PRKCB: variants seen among roughly 807,000 people sequenced by gnomAD.
PRKCB encodes protein kinase C beta type.
In PRKCB, 13 loss-of-function variants were observed where a neutral mutation model predicts 81.5. That is an observed-to-expected ratio of 0.16 (90% CI 0.10 to 0.25). The LOEUF (loss-of-function observed/expected upper bound fraction) is 0.25. Among genes scored for constraint, PRKCB ranks in the 10% least tolerant of loss-of-function variants. The pLI is 1.00. For missense variants in PRKCB, 509 were observed against 875.7 expected (o/e 0.58, Z 5.29); for synonymous variants, 335 against 321.4 (o/e 1.04, Z -0.45).
intron 10 of PRKCB, among the ~76,000 whole-genome samples, chr16:24,159,497 A>T (rs1201054663): frequency 7.0e-6 from 1 of 143,436 alleles, no homozygotes; most frequent in East Asian, 1.9e-4. Flanking sequence ...TGATACCTCT[A>T]TTGGAAAGGT....
At chr16:24,109,190 G>A (rs1333888751) in intron 7 of PRKCB, among the ~76,000 whole-genome samples, 1 of 131,090 alleles carries the variant, frequency 7.6e-6, no homozygotes, top group Non-Finnish European at 1.7e-5. Flanking sequence ...CGACGGGGCG[G>A]CTGGCCGGGC....
At chr16:24,119,108 C>A (rs748867877) in intron 8 of PRKCB, among the ~76,000 whole-genome samples, 12 of 143,794 alleles carry the variant, frequency 8.3e-5, no homozygotes, top group South Asian at 2.3e-4. Flanking sequence ...GCAGACCAGA[C>A]CAACAGGGTT....
At chr16:24,103,984 T>C (rs1009994010) in intron 7 of PRKCB, among the ~76,000 whole-genome samples, 1 of 152,198 alleles carries the variant, frequency 6.6e-6, no homozygotes, top group Non-Finnish European at 1.5e-5. Flanking sequence ...TTTGTATTTT[T>C]AGTAGAGATG....
At chr16:24,189,636 C>T (rs112285517) in intron 15 of PRKCB, among the ~76,000 whole-genome samples, 8,827 of 129,550 alleles carry the variant, frequency 0.068, 271 homozygotes, top group African/African-American at 0.094. Flanking sequence ...AGTGAGACTC[C>T]GTCTCAAAAA....
chr16:24,215,523 G>T lies in PRKCB; in HGVS notation c.*707G>T. 2 of 985,538 alleles carry T rather than the reference G, an allele frequency of 2.0e-6. No individual in the cohort carries two copies. Among genetic ancestry groups the T allele is most frequent in the Non-Finnish European group, 2.4e-6 (2 of 829,900 alleles). The allele number at this position is 985,538 out of a possible 1,614,324, so 61.0% of individuals were successfully genotyped here. ...CCAAACTACTTGAAAAGGGCATTTG[G>T]CACCACTCTCTGAAACAACACAGTC... On this transcript the variant is annotated 3_prime_UTR_variant, in exon 17 of 17. Transcript: ENST00000643927.
At chr16:24,151,230 AAGG>A (rs2141951444) in intron 9 of PRKCB, among the ~76,000 whole-genome samples, 1 of 152,312 alleles carries the variant, frequency 6.6e-6, no homozygotes, top group South Asian at 2.1e-4. Flanking sequence ...TTCCTTTAAC[AAGG>A]AGAAGATGCA....
intron 2 of PRKCB, among the ~76,000 whole-genome samples, chr16:23,978,362 G>A (rs1174005237): frequency 6.6e-6 from 1 of 152,116 alleles, no homozygotes; most frequent in African/African-American, 2.4e-5. Context: ...AGGCATTTGC[G>A]TTTGTCACCC....
At chr16:24,144,428 A>G (rs752274577) in intron 9 of PRKCB, among the ~76,000 whole-genome samples, 8 of 152,136 alleles carry the variant, frequency 5.3e-5, no homozygotes, top group Non-Finnish European at 8.8e-5. Context: ...CCTCCCAAGT[A>G]ACTGGGATTA....
intron 2 of PRKCB, among the ~76,000 whole-genome samples, chr16:23,931,109 G>A (rs1354988461): frequency 6.6e-6 from 1 of 152,204 alleles, no homozygotes; most frequent in Non-Finnish European, 1.5e-5. Context: ...GCTGTGATTG[G>A]CATTGTTAGG....
intron 8 of PRKCB, among the ~76,000 whole-genome samples, chr16:24,113,603 C>T (rs1343747891): frequency 4.0e-5 from 6 of 149,734 alleles, no homozygotes; most frequent in African/African-American, 1.5e-4. Context: ...CTCTCTTCCT[C>T]TCTCTTGTCT....
chr16:23,898,719 G>A (rs572413617), intron 2 of PRKCB, among the ~76,000 whole-genome samples: 1 of 152,216 alleles, frequency 6.6e-6, no homozygotes, highest in East Asian at 1.9e-4. Flanking sequence ...AAGGGGCATG[G>A]CCACATCAAG....
intron 3 of PRKCB, among the ~76,000 whole-genome samples, chr16:24,012,353 C>T (rs928166204): frequency 1.1e-4 from 16 of 152,162 alleles, no homozygotes; most frequent in Non-Finnish European, 2.2e-4. Context: ...AACTGACTTG[C>T]CAGGTCACAT....
intron 2 of PRKCB, among the ~76,000 whole-genome samples, chr16:23,927,722 G>C (rs1447820531): frequency 6.6e-6 from 1 of 152,042 alleles, no homozygotes; most frequent in African/African-American, 2.4e-5. Flanking sequence ...ATTTGGCGTG[G>C]GAGGAATGAG....
intron 8 of PRKCB, 132 bp from the exon 9 acceptor site, chr16:24,123,703 G>A: frequency 2.3e-6 from 2 of 861,478 alleles, no homozygotes; most frequent in South Asian, 3.5e-5. Flanking sequence ...GTGGAGTGAT[G>A]CATGGCTATG....
chr16:24,066,582 A>G (rs1476632303), intron 5 of PRKCB, among the ~76,000 whole-genome samples: 1 of 152,188 alleles, frequency 6.6e-6, no homozygotes, highest in African/African-American at 2.4e-5. Flanking sequence ...AACACTAATT[A>G]GTACTGTATT....
chr16:24,129,038 C>T (rs1208679743), intron 9 of PRKCB, among the ~76,000 whole-genome samples: 1 of 152,186 alleles, frequency 6.6e-6, no homozygotes, highest in Non-Finnish European at 1.5e-5. Context: ...ATATACACAG[C>T]ACAAGGATAA....
chr16:23,950,989 C>T (rs1366655283), intron 2 of PRKCB, among the ~76,000 whole-genome samples: 1 of 152,170 alleles, frequency 6.6e-6, no homozygotes, highest in Non-Finnish European at 1.5e-5. Flanking sequence ...CCCTGGCTCC[C>T]ACACCTGTTA....
chr16:23,966,460 C>T (rs1964488526), intron 2 of PRKCB, among the ~76,000 whole-genome samples: 1 of 152,162 alleles, frequency 6.6e-6, no homozygotes, highest in South Asian at 2.1e-4. Context: ...AGACCTACCA[C>T]ATAGCTGTAG....
chr16:23,912,857 C>A (rs1963683575), intron 2 of PRKCB, among the ~76,000 whole-genome samples: 1 of 132,456 alleles, frequency 7.5e-6, no homozygotes, highest in Non-Finnish European at 1.7e-5. Context: ...TGGAGTCATG[C>A]TCTGTTGCCT....
Sources: allele counts gnomAD v4.1 joint callset (sites outside exome capture counted in the v4.1 genomes callset), GRCh38; gene constraint gnomAD v4.1.1; transcripts MANE v1.5; gene names NCBI Gene and HGNC (gene_info 2026-07-23, HGNC 2026-07-21).